Variants in KCNMB2 observed in about 807,000 individuals in gnomAD.
KCNMB2 encodes the protein calcium-activated potassium channel subunit beta-2.
Under a neutral mutation model 24.5 loss-of-function variants are expected in KCNMB2, and 9 were observed. The observed-to-expected ratio is 0.37, with a 90% CI of 0.22 to 0.64. KCNMB2 has a LOEUF of 0.64. KCNMB2 is among the 30% of genes least tolerant of loss of function. KCNMB2 has a pLI of 0.63. For synonymous variants in KCNMB2, 109 were observed against 104.4 expected, an observed-to-expected ratio of 1.04 and a Z score of -0.27; for missense variants, 226 against 284.3, an observed-to-expected ratio of 0.79 and a Z score of 1.47.
At chr3:178,706,595 A>G (rs1722284945) in intron 1 of KCNMB2, among the ~76,000 whole-genome samples, 1 of 152,032 alleles carries the variant, frequency 6.6e-6, no homozygotes, top group Non-Finnish European at 1.5e-5. Context: ...GGAACTTCAT[A>G]AAAAAGAGGA....
intron 1 of KCNMB2, among the ~76,000 whole-genome samples, chr3:178,711,880 TTC>T (rs1308061214): frequency 2.0e-5 from 3 of 152,234 alleles, no homozygotes; most frequent in Non-Finnish European, 4.4e-5. Context: ...GAACTTCTGA[TTC>T]CACATCTGTG....
intron 1 of KCNMB2, among the ~76,000 whole-genome samples, chr3:178,767,253 G>A (rs370672006): frequency 6.6e-6 from 1 of 152,174 alleles, no homozygotes; most frequent in Non-Finnish European, 1.5e-5. Flanking sequence ...TATCAAAATA[G>A]GTAGATCTTG....
intron 1 of KCNMB2, among the ~76,000 whole-genome samples, chr3:178,719,754 CTT>C: frequency 6.6e-6 from 1 of 152,158 alleles, no homozygotes; most frequent in African/African-American, 2.4e-5. Flanking sequence ...AAAATTGACT[CTT>C]TTTTTGGTGT....
At chr3:178,607,941 C>A (rs1310369715) in intron 1 of KCNMB2, among the ~76,000 whole-genome samples, 1 of 151,948 alleles carries the variant, frequency 6.6e-6, no homozygotes, top group Non-Finnish European at 1.5e-5. Flanking sequence ...TAAGATTCTT[C>A]CTTAAGTAAA....
intron 1 of KCNMB2, among the ~76,000 whole-genome samples, chr3:178,700,865 C>CA (rs1413031281): frequency 6.6e-6 from 1 of 151,970 alleles, no homozygotes; most frequent in Non-Finnish European, 1.5e-5. Flanking sequence ...AGCCCTTTGT[C>CA]AGATGAGTAG....
chr3:178,628,684 T>C (rs1360198874), intron 1 of KCNMB2, among the ~76,000 whole-genome samples: 3 of 152,160 alleles, frequency 2.0e-5, no homozygotes, highest in African/African-American at 2.4e-5. Flanking sequence ...AACTTTACCA[T>C]AGAAGGGCAC....
At chr3:178,722,332 T>C (rs1042867845) in intron 1 of KCNMB2, among the ~76,000 whole-genome samples, 1 of 152,200 alleles carries the variant, frequency 6.6e-6, no homozygotes, top group Non-Finnish European at 1.5e-5. Flanking sequence ...TACCACTGAC[T>C]GGGTAATTTA....
chr3:178,622,857 AT>A (rs1241889824), intron 1 of KCNMB2, among the ~76,000 whole-genome samples: 3 of 152,048 alleles, frequency 2.0e-5, no homozygotes, highest in East Asian at 1.9e-4. Flanking sequence ...TGGGACACTG[AT>A]TTTTTTTGGG....
intron 1 of KCNMB2, among the ~76,000 whole-genome samples, chr3:178,778,460 A>ACACGCACGCACGTGCGCGCGTGCGCGCG (rs879860042): frequency 2.1e-5 from 1 of 48,010 alleles, no homozygotes; most frequent in East Asian, 4.2e-4. Flanking sequence ...TTTAAGACAC[A>ACACGCACGCACGTGCGCGCGTGCGCGCG]CACACACACA....
chr3:178,826,419 A>G (rs928116022), intron 3 of KCNMB2, among the ~76,000 whole-genome samples: 2 of 152,238 alleles, frequency 1.3e-5, no homozygotes, highest in Admixed American at 1.3e-4. Flanking sequence ...ACTTTTAAAA[A>G]TAACAGATTT....
intron 1 of KCNMB2, among the ~76,000 whole-genome samples, chr3:178,559,240 G>A (rs1181314810): frequency 6.6e-6 from 1 of 152,084 alleles, no homozygotes; most frequent in African/African-American, 2.4e-5. Context: ...TTTTCACAGG[G>A]AAGTGATTTT....
At chr3:178,734,757 A>T (rs6789294) in intron 1 of KCNMB2, among the ~76,000 whole-genome samples, 73,729 of 151,932 alleles carry the variant, frequency 0.49, 18,356 homozygotes, top group African/African-American at 0.61. Context: ...TACAAGTCAA[A>T]GAACCGAGTT....
intron 1 of KCNMB2, among the ~76,000 whole-genome samples, chr3:178,637,886 G>GATTTC (rs1719585660): frequency 6.6e-6 from 1 of 152,146 alleles, no homozygotes; most frequent in Non-Finnish European, 1.5e-5. Context: ...GTCCCACAAT[G>GATTTC]ATTTCAGTAT....
At chr3:178,698,881 C>T (rs566757223) in intron 1 of KCNMB2, among the ~76,000 whole-genome samples, 57 of 152,298 alleles carry the variant, frequency 3.7e-4, no homozygotes, top group Admixed American at 6.5e-4. Context: ...TTTTAGGGGG[C>T]CAACCCTCAG....
intron 1 of KCNMB2, among the ~76,000 whole-genome samples, chr3:178,695,713 T>C (rs1249673122): frequency 1.3e-5 from 2 of 152,182 alleles, no homozygotes; most frequent in African/African-American, 4.8e-5. Context: ...GTCTATATTG[T>C]TGTCAGCATT....
chr3:178,648,735 A>G (rs905801005), intron 1 of KCNMB2, among the ~76,000 whole-genome samples: 2 of 152,202 alleles, frequency 1.3e-5, no homozygotes, highest in African/African-American at 4.8e-5. Flanking sequence ...GCCGTAACAA[A>G]TAAACATCAA....
chr3:178,813,704 CAA>C (rs1351110145), intron 2 of KCNMB2, among the ~76,000 whole-genome samples: 1 of 152,160 alleles, frequency 6.6e-6, no homozygotes, highest in Non-Finnish European at 1.5e-5. Flanking sequence ...TTTCCAAACT[CAA>C]GTTACTTTTT....
intron 1 of KCNMB2, among the ~76,000 whole-genome samples, chr3:178,650,569 A>G (rs1720077914): frequency 6.6e-6 from 1 of 152,162 alleles, no homozygotes; most frequent in African/African-American, 2.4e-5. Context: ...TGAGGCCAGC[A>G]TCATCCTGAT....
At chr3:178,833,761 T>C (rs529441017) in intron 4 of KCNMB2, among the ~76,000 whole-genome samples, 6 of 152,302 alleles carry the variant, frequency 3.9e-5, no homozygotes, top group Non-Finnish European at 8.8e-5. Context: ...TTACCCTCTC[T>C]CACATAGTTT....
Sources: allele counts gnomAD v4.1 joint callset (sites outside exome capture counted in the v4.1 genomes callset), GRCh38; gene constraint gnomAD v4.1.1; transcripts MANE v1.5; gene names NCBI Gene and HGNC (gene_info 2026-07-23, HGNC 2026-07-21).